The following TRHDE variants were observed in gnomAD, a reference collection of about 807,000 sequenced individuals.
TRHDE encodes thyrotropin-releasing hormone-degrading ectoenzyme.
TRHDE carries 72 observed loss-of-function variants against 125.7 expected under a neutral mutation model. The ratio of observed to expected loss-of-function variants is 0.57; its 90% CI spans 0.47 to 0.70. The LOEUF (loss-of-function observed/expected upper bound fraction) is 0.70. Among genes scored for constraint, TRHDE ranks in the 30% least tolerant of loss-of-function variants. The pLI is 0.00. For missense variants in TRHDE, 1,110 were observed against 1,327.1 expected (o/e 0.84, Z 2.54); for synonymous variants, 509 against 509.1 (o/e 1.00, Z 0.00).
At chr12:72,370,626 A>G (rs555355228) in intron 2 of TRHDE, among the ~76,000 whole-genome samples, 4 of 152,108 alleles carry the variant, frequency 2.6e-5, no homozygotes, top group African/African-American at 7.2e-5. Context: ...GCAGCTTTCT[A>G]TATCTTAGTT....
chr12:72,481,362 G>T (rs1592478267), intron 5 of TRHDE, among the ~76,000 whole-genome samples: 1 of 147,590 alleles, frequency 6.8e-6, no homozygotes, highest in African/African-American at 2.5e-5. Context: ...AGAGCCTCCT[G>T]TGAAGAGAAA....
At chr12:72,321,017 A>G (rs906427209) in intron 2 of TRHDE, among the ~76,000 whole-genome samples, 1 of 152,194 alleles carries the variant, frequency 6.6e-6, no homozygotes, top group Non-Finnish European at 1.5e-5. Context: ...TCAACTTATT[A>G]GTGGGAAATG....
intron 2 of TRHDE, among the ~76,000 whole-genome samples, chr12:72,176,636 C>T (rs1317728392): frequency 2.6e-5 from 4 of 151,864 alleles, no homozygotes; most frequent in African/African-American, 4.8e-5. Flanking sequence ...CTATGGTGCA[C>T]GTGTAGCCGA....
intron 7 of TRHDE, among the ~76,000 whole-genome samples, chr12:72,552,541 A>C (rs1195132081): frequency 1.3e-5 from 2 of 152,208 alleles, no homozygotes; most frequent in Non-Finnish European, 2.9e-5. Flanking sequence ...CTAGAGAGGC[A>C]GGCAGAGTAC....
intron 3 of TRHDE, among the ~76,000 whole-genome samples, chr12:72,423,892 G>T (rs1160463604): frequency 6.6e-6 from 1 of 152,072 alleles, no homozygotes; most frequent in East Asian, 1.9e-4. Context: ...ACCTGTCCTT[G>T]CTGACTTTGA....
At chr12:72,319,727 T>C (rs1868987038) in intron 2 of TRHDE, among the ~76,000 whole-genome samples, 1 of 152,218 alleles carries the variant, frequency 6.6e-6, no homozygotes, top group Non-Finnish European at 1.5e-5. Context: ...CACTGAGAGA[T>C]AATAAGAACC....
intron 12 of TRHDE, among the ~76,000 whole-genome samples, chr12:72,597,713 G>GCATATATA (rs1872015879): frequency 5.4e-5 from 1 of 18,484 alleles, no homozygotes; most frequent in Non-Finnish European, 9.1e-5. Flanking sequence ...GTGTGTGTAT[G>GCATATATA]TATATATATA....
Position 72,273,743 on chromosome 12 carries a change from T to A in TRHDE, c.914+186T>A. 1.8e-6 allele frequency: 1 copy of A among 571,266 alleles called. No homozygotes were observed. The highest frequency in any genetic ancestry group is 2.8e-5 in the East Asian group (1 of 35,846). 35.4% of individuals were successfully genotyped at this position (571,266 alleles called of 1,614,324 possible). ...TCTCCCAGATGCCTCGGGGTCTCGC[T>A]GCCGCCAACTTCGCAAACTGACTCA... On this transcript the variant is annotated intron_variant, in intron 1 of 18. Coordinates refer to ENST00000261180, the MANE Select transcript of TRHDE (RefSeq NM_013381.3). The surrounding 1 kb of genome is among the most constrained non-coding windows in gnomAD (Gnocchi z 5.3).
At chr12:72,621,896 T>G (rs1873070215) in intron 15 of TRHDE, 145 bp downstream of exon 15, 4 of 612,546 alleles carry the variant, frequency 6.5e-6, no homozygotes, top group Admixed American at 3.5e-5. Context: ...GGTTCACAGC[T>G]TCCAAGGCAA....
At chr12:72,569,772 A>G (rs534152106) in intron 10 of TRHDE, among the ~76,000 whole-genome samples, 25 of 152,336 alleles carry the variant, frequency 1.6e-4, no homozygotes, top group Admixed American at 1.2e-3. Flanking sequence ...GTAATGTAGC[A>G]ATGCATTGAA....
At chr12:72,237,629 C>T (rs139847444) in intron 2 of TRHDE, among the ~76,000 whole-genome samples, 7 of 152,246 alleles carry the variant, frequency 4.6e-5, no homozygotes, top group African/African-American at 1.7e-4. Flanking sequence ...TGACAGTTTC[C>T]ACTGTGTGCA....
intron 6 of TRHDE, among the ~76,000 whole-genome samples, chr12:72,501,520 T>C (rs1878155080): frequency 6.6e-6 from 1 of 152,164 alleles, no homozygotes; most frequent in Non-Finnish European, 1.5e-5. Context: ...TTAGACTATC[T>C]TTGCATTCCT....
intron 2 of TRHDE, among the ~76,000 whole-genome samples, chr12:72,187,362 C>CACGA (rs57027455): frequency 2.8e-5 from 4 of 144,784 alleles, no homozygotes; most frequent in African/African-American, 1.0e-4. Flanking sequence ...CACACACACA[C>CACGA]GAAGTCTCTA....
At chr12:72,376,052 G>T (rs1237023386) in intron 2 of TRHDE, among the ~76,000 whole-genome samples, 1 of 152,118 alleles carries the variant, frequency 6.6e-6, no homozygotes, top group Non-Finnish European at 1.5e-5. Flanking sequence ...TCACCAAGAT[G>T]CTCAAGAACC....
At chr12:72,575,626 T>A in intron 12 of TRHDE, 84 bp downstream of exon 12, 1 of 1,258,498 alleles carries the variant, frequency 7.9e-7, no homozygotes, top group Non-Finnish European at 1.2e-6. Context: ...TATATGTCTT[T>A]TATTTAGGAC....
chr12:72,161,624 G>T (rs1269920808), intron 2 of TRHDE, among the ~76,000 whole-genome samples: 2 of 152,048 alleles, frequency 1.3e-5, no homozygotes, highest in Non-Finnish European at 2.9e-5. Flanking sequence ...TTTTTTTCTG[G>T]GTTATCTGTG....
At position 72,666,931 on chromosome 12, in the gene TRHDE, T is replaced by A. The variant is rs1435699426; in HGVS notation, c.*3736T>A. 1 of 152,072 alleles carries A rather than the reference T, an allele frequency of 6.6e-6. No homozygotes were observed. Among genetic ancestry groups the A allele is most frequent in the Non-Finnish European group, 1.5e-5 (1 of 67,960 alleles). The allele number at this position is 152,072 out of a possible 1,614,324, so 9.4% of individuals were successfully genotyped here. ...TTGTTTAAACATAACCTTAAAGTAC[T>A]GATAATTTGCTTAATTTTCAACACA... On this transcript the variant is annotated 3_prime_UTR_variant, in exon 19 of 19. Coordinates refer to ENST00000261180, the MANE Select transcript of TRHDE (RefSeq NM_013381.3).
intron 2 of TRHDE, among the ~76,000 whole-genome samples, chr12:72,350,977 G>T (rs1367142294): frequency 6.6e-6 from 1 of 151,972 alleles, no homozygotes; most frequent in Non-Finnish European, 1.5e-5. Context: ...GCATACAATT[G>T]ACTGTGAACT....
intron 2 of TRHDE, among the ~76,000 whole-genome samples, chr12:72,304,439 A>G (rs545522283): frequency 3.3e-5 from 5 of 152,198 alleles, no homozygotes; most frequent in South Asian, 4.1e-4. Context: ...AGGATCATAC[A>G]TTAATAAAAT....
Sources: gnomAD v4.1 joint callset for allele counts (sites outside exome capture counted in the v4.1 genomes callset) on GRCh38, gnomAD v4.1.1 for gene constraint, Gnocchi (gnomAD v3.1) non-coding constraint, MANE v1.5 for transcripts, NCBI Gene and HGNC (gene_info 2026-07-23, HGNC 2026-07-21) for gene names.